Variants in PPM1E observed in about 807,000 individuals in gnomAD.
The protein encoded by PPM1E is protein phosphatase, Mg2+/Mn2+ dependent 1E, also known as protein phosphatase 1E.
A neutral mutation model predicts 65.9 loss-of-function variants in PPM1E; 20 were observed. That is an observed-to-expected ratio of 0.30 (90% CI 0.21 to 0.44). The LOEUF (loss-of-function observed/expected upper bound fraction) is 0.44. Ranked by LOEUF, PPM1E falls within the 20% of genes least tolerant of loss-of-function variation. The pLI is 1.00. For synonymous variants in PPM1E, 352 were observed against 374.9 expected (o/e 0.94, Z 0.70); for missense variants, 713 against 953.1 (o/e 0.75, Z 3.32).
At chr17:58,966,020 A>G (rs952874187) in intron 3 of PPM1E, 127 bp downstream of exon 3, 1 of 982,876 alleles carries the variant, frequency 1.0e-6, no homozygotes. Context: ...AGTAGGGCTA[A>G]GTGCAAAGTG....
At chr17:58,873,380 A>G (rs1449867229) in intron 1 of PPM1E, among the ~76,000 whole-genome samples, 1 of 152,074 alleles carries the variant, frequency 6.6e-6, no homozygotes, top group Non-Finnish European at 1.5e-5. Context: ...GGAAGAAACT[A>G]CACCAATTTG....
chr17:58,808,854 A>T (rs555385619), intron 1 of PPM1E, among the ~76,000 whole-genome samples: 34 of 147,458 alleles, frequency 2.3e-4, no homozygotes, highest in African/African-American at 8.2e-4. Flanking sequence ...CATGTAGTTT[A>T]AAAAAAAAAA....
chr17:58,955,715 T>A lies in PPM1E; in HGVS notation c.531T>A (p.Asp177Glu), dbSNP rs1165506527. 1 of 1,613,290 alleles carries A rather than the reference T, an allele frequency of 6.2e-7. No individual in the cohort carries two copies. The highest frequency in any genetic ancestry group is 1.3e-5 in the African/African-American group (1 of 74,928). Residue 177 changes from aspartate to glutamate, a missense_variant, in exon 2 of 7, where the codon GAT becomes GAA. Asp to Glu is a conservative substitution (Grantham distance 45). Around this residue, in one of 6 missense-constraint regions of PPM1E, gnomAD observed 84 missense variants for 113.9 expected, o/e 0.74. Coordinates refer to ENST00000308249, the MANE Select transcript of PPM1E (RefSeq NM_014906.5). ...RATSDEVLQS[D>E]LSAHYIPKET... ...CATCAGATGAAGTCCTTCAGAGTGA[T>A]CTTTCTGCACATTATATCCCAAAGG...
chr17:58,899,634 A>G (rs1452102836), intron 1 of PPM1E: 2 of 217,144 alleles, frequency 9.2e-6, no homozygotes, highest in East Asian at 1.1e-4. Context: ...GGTAAGGACT[A>G]TGGCAAAGAA....
intron 1 of PPM1E, among the ~76,000 whole-genome samples, chr17:58,947,435 C>T (rs1411801955): frequency 6.6e-6 from 1 of 151,568 alleles, no homozygotes; most frequent in Non-Finnish European, 1.5e-5. Context: ...CAGGGTTTCA[C>T]CATGTTAGCC....
At chr17:58,895,502 A>G (rs1400990155) in intron 1 of PPM1E, among the ~76,000 whole-genome samples, 1 of 152,166 alleles carries the variant, frequency 6.6e-6, no homozygotes, top group Admixed American at 6.5e-5. Context: ...CAGTGAGCTC[A>G]TGAATGATAA....
At chr17:58,938,902 C>T (rs2052022647) in intron 1 of PPM1E, among the ~76,000 whole-genome samples, 1 of 150,820 alleles carries the variant, frequency 6.6e-6, no homozygotes, top group African/African-American at 2.4e-5. Flanking sequence ...GATTCTTCTG[C>T]CTCAGCCGCC....
chr17:58,815,924 G>A (rs948971903), intron 1 of PPM1E, among the ~76,000 whole-genome samples: 5 of 151,620 alleles, frequency 3.3e-5, no homozygotes, highest in South Asian at 2.1e-4. Context: ...GAACTATCAC[G>A]TACATTCTAC....
chr17:58,896,359 T>C (rs1320069491), intron 1 of PPM1E, among the ~76,000 whole-genome samples: 1 of 151,896 alleles, frequency 6.6e-6, no homozygotes, highest in Non-Finnish European at 1.5e-5. Context: ...CTGAGGTGGG[T>C]GGATCACCTG....
intron 3 of PPM1E, among the ~76,000 whole-genome samples, chr17:58,967,719 T>C (rs2030341500): frequency 6.6e-6 from 1 of 152,022 alleles, no homozygotes; most frequent in South Asian, 2.1e-4. Context: ...TTCCTTTTGT[T>C]TCTTGTGGTG....
chr17:58,894,629 T>A (rs1221635625), intron 1 of PPM1E, among the ~76,000 whole-genome samples: 1 of 152,162 alleles, frequency 6.6e-6, no homozygotes, highest in Non-Finnish European at 1.5e-5. Flanking sequence ...AGGGCTCCCT[T>A]CAGGAGCTTC....
intron 1 of PPM1E, among the ~76,000 whole-genome samples, chr17:58,888,060 C>A (rs765916550): frequency 2.0e-5 from 3 of 151,934 alleles, no homozygotes; most frequent in Non-Finnish European, 4.4e-5. Flanking sequence ...TGGAATTGCC[C>A]CTTACTAAGA....
intron 1 of PPM1E, among the ~76,000 whole-genome samples, chr17:58,817,906 C>T (rs2050442254): frequency 6.6e-6 from 1 of 152,136 alleles, no homozygotes; most frequent in Admixed American, 6.5e-5. Flanking sequence ...CGTCCGCCAC[C>T]ACGCCCGGTT....
chr17:58,789,275 A>G (rs1383627279), intron 1 of PPM1E, among the ~76,000 whole-genome samples: 2 of 152,172 alleles, frequency 1.3e-5, no homozygotes, highest in African/African-American at 4.8e-5. Context: ...CTTGTTCCAC[A>G]TCAAATAGCA....
chr17:58,756,536 C>T, intron 1 of PPM1E, 75 bp downstream of exon 1: 1 of 1,247,362 alleles, frequency 8.0e-7, no homozygotes, highest in Non-Finnish European at 1.0e-6. Context: ...CTCCCTCGGC[C>T]CCTCAAACTG....
intron 1 of PPM1E, among the ~76,000 whole-genome samples, chr17:58,760,978 A>G (rs151330807): frequency 1.3e-5 from 2 of 152,330 alleles, no homozygotes; most frequent in East Asian, 3.9e-4. Context: ...TATACCTTCC[A>G]TACCCTCCCA....
At chr17:58,837,260 TAAAAAAAAAAA>T (rs57058929) in intron 1 of PPM1E, among the ~76,000 whole-genome samples, 1 of 66,286 alleles carries the variant, frequency 1.5e-5, no homozygotes, top group African/African-American at 6.5e-5. Flanking sequence ...TTAAAAAAAT[TAAAAAAAAAAA>T]AAAAAAAAAA....
intron 1 of PPM1E, among the ~76,000 whole-genome samples, chr17:58,918,942 G>A: frequency 6.6e-6 from 1 of 151,812 alleles, no homozygotes; most frequent in East Asian, 1.9e-4. Context: ...ATGCAGAAAA[G>A]GGATTGCTTT....
chr17:58,794,383 T>C (rs2053007221), intron 1 of PPM1E, among the ~76,000 whole-genome samples: 1 of 152,154 alleles, frequency 6.6e-6, no homozygotes, highest in African/African-American at 2.4e-5. Flanking sequence ...TGGCCCAATT[T>C]ATTATTATTT....
Sources: allele counts gnomAD v4.1 joint callset (sites outside exome capture counted in the v4.1 genomes callset), GRCh38; gene constraint gnomAD v4.1.1; regional missense constraint gnomAD v4.1.1; transcripts MANE v1.5; gene names NCBI Gene and HGNC (gene_info 2026-07-23, HGNC 2026-07-21).